Variants in GALNT13 observed in about 807,000 individuals in gnomAD.
GALNT13 encodes UDP-GalNAc:polypeptide N-acetylgalactosaminyltransferase 13.
In GALNT13, 28 loss-of-function variants were observed where a neutral mutation model predicts 64.2. The ratio of observed to expected loss-of-function variants is 0.44; its 90% confidence interval spans 0.32 to 0.60. The LOEUF is 0.60. Ranked by LOEUF, GALNT13 falls within the 20% of genes least tolerant of loss-of-function variation. The probability of loss-of-function intolerance (pLI) is 0.05; values close to 1 mark genes in which losing one functional copy is unlikely to be tolerated. For synonymous variants in GALNT13, 214 were observed against 224.6 expected (o/e 0.95, Z 0.42); for missense variants, 577 against 669.8 (o/e 0.86, Z 1.53).
At chr2:154,174,274 C>T (rs185825072) in intron 4 of GALNT13, among the ~76,000 whole-genome samples, 4 of 152,112 alleles carry the variant, frequency 2.6e-5, no homozygotes, top group African/African-American at 7.2e-5. Flanking sequence ...ACTGGTATTC[C>T]TGTTAAGGGA....
At chr2:153,134,821 G>A in the GALNT13 span, among the ~76,000 whole-genome samples, 2 of 152,042 alleles carry the variant, frequency 1.3e-5, no homozygotes, top group Non-Finnish European at 2.9e-5. Context: ...AATGTGATCA[G>A]CTCCTCCGTT....
the GALNT13 span, among the ~76,000 whole-genome samples, chr2:153,559,441 A>G: frequency 3.9e-5 from 6 of 152,118 alleles, no homozygotes; most frequent in Admixed American, 6.6e-5. Context: ...TCCTTATAGT[A>G]TCATTTACCT....
chr2:153,825,737 T>C, the GALNT13 span, among the ~76,000 whole-genome samples: 2 of 151,808 alleles, frequency 1.3e-5, no homozygotes, highest in African/African-American at 4.8e-5. Context: ...GCGAATACCC[T>C]TTGCAGGAAC....
the GALNT13 span, among the ~76,000 whole-genome samples, chr2:153,459,817 A>G: frequency 6.6e-6 from 1 of 152,168 alleles, no homozygotes; most frequent in African/African-American, 2.4e-5. Context: ...CTAAAACTAG[A>G]TACCACTAAA....
chr2:153,944,080 G>A (rs1009188679), intron 2 of GALNT13, among the ~76,000 whole-genome samples: 3 of 152,052 alleles, frequency 2.0e-5, no homozygotes, highest in Non-Finnish European at 4.4e-5. Flanking sequence ...AGTCAGAATT[G>A]CACTATTTGA....
At chr2:153,720,394 C>T in the GALNT13 span, among the ~76,000 whole-genome samples, 9 of 146,902 alleles carry the variant, frequency 6.1e-5, no homozygotes, top group Middle Eastern at 3.4e-3. Context: ...AACTCTAAAA[C>T]GCAGAGCGCC....
chr2:153,669,407 C>T, the GALNT13 span, among the ~76,000 whole-genome samples: 99 of 152,296 alleles, frequency 6.5e-4, no homozygotes, highest in African/African-American at 2.3e-3. Flanking sequence ...GGGTATTATG[C>T]TTATTACATT....
the GALNT13 span, among the ~76,000 whole-genome samples, chr2:153,303,507 A>G: frequency 1.3e-5 from 2 of 152,170 alleles, no homozygotes; most frequent in African/African-American, 4.8e-5. Context: ...GCAAACAGAC[A>G]GTCAACTATT....
chr2:153,494,654 TTC>T, the GALNT13 span, among the ~76,000 whole-genome samples: 90 of 152,088 alleles, frequency 5.9e-4, no homozygotes, highest in African/African-American at 2.0e-3. Context: ...ATTATAATAT[TTC>T]AACAAAGAAA....
chr2:154,238,956 A>G (rs1689338055), intron 4 of GALNT13, among the ~76,000 whole-genome samples: 1 of 152,066 alleles, frequency 6.6e-6, no homozygotes, highest in Non-Finnish European at 1.5e-5. Flanking sequence ...TTCATCCCCC[A>G]TAACTGAACC....
intron 9 of GALNT13, among the ~76,000 whole-genome samples, chr2:154,365,705 A>AG (rs1435554731): frequency 1.3e-5 from 2 of 152,224 alleles, no homozygotes; most frequent in Non-Finnish European, 2.9e-5. Flanking sequence ...TCATCGACTT[A>AG]GGATTCCATT....
At chr2:153,378,962 G>T in the GALNT13 span, among the ~76,000 whole-genome samples, 37 of 151,974 alleles carry the variant, frequency 2.4e-4, no homozygotes, top group Admixed American at 6.6e-4. Context: ...TCTTAAGCTT[G>T]TTGACCATAT....
At chr2:153,266,666 G>A in the GALNT13 span, among the ~76,000 whole-genome samples, 1 of 152,132 alleles carries the variant, frequency 6.6e-6, no homozygotes, top group South Asian at 2.1e-4. Flanking sequence ...GAACATCATG[G>A]GGAAAACTGC....
chr2:153,574,638 C>T, the GALNT13 span, among the ~76,000 whole-genome samples: 3 of 151,946 alleles, frequency 2.0e-5, no homozygotes, highest in African/African-American at 7.3e-5. Context: ...CATTAAAAGA[C>T]TGAGGCATTC....
chr2:153,689,203 C>A, the GALNT13 span, among the ~76,000 whole-genome samples: 1 of 151,754 alleles, frequency 6.6e-6, no homozygotes, highest in African/African-American at 2.4e-5. Context: ...ATCAGTTAAT[C>A]CACATTCATG....
chr2:153,965,024 G>C (rs571073463), intron 3 of GALNT13, among the ~76,000 whole-genome samples: 1 of 152,052 alleles, frequency 6.6e-6, no homozygotes, highest in Non-Finnish European at 1.5e-5. Flanking sequence ...CTTTGAAAAT[G>C]TGATGAATTT....
At chr2:153,350,942 A>G in the GALNT13 span, among the ~76,000 whole-genome samples, 1 of 152,268 alleles carries the variant, frequency 6.6e-6, no homozygotes, top group East Asian at 1.9e-4. Context: ...AGATAGTCCT[A>G]TGGCAAAAAG....
At chr2:153,882,201 G>T (rs1473771899) in intron 1 of GALNT13, among the ~76,000 whole-genome samples, 1 of 151,562 alleles carries the variant, frequency 6.6e-6, no homozygotes, top group Non-Finnish European at 1.5e-5. Flanking sequence ...GCAGGGGGAG[G>T]TGGGTTGGTG....
the GALNT13 span, among the ~76,000 whole-genome samples, chr2:153,571,694 A>T: frequency 6.6e-6 from 1 of 152,036 alleles, no homozygotes; most frequent in Admixed American, 6.6e-5. Context: ...TTCAGCAATA[A>T]TTGAACACAT....
Sources: allele counts gnomAD v4.1 joint callset (sites outside exome capture counted in the v4.1 genomes callset), GRCh38; gene constraint gnomAD v4.1.1; transcripts MANE v1.5; gene names NCBI Gene and HGNC (gene_info 2026-07-23, HGNC 2026-07-21).